GRB10: variants seen among roughly 807,000 people sequenced by gnomAD.
GRB10 encodes growth factor receptor bound protein 10.
GRB10 carries 20 observed loss-of-function variants against 80.9 expected under a neutral mutation model. That is an observed-to-expected ratio of 0.25 (90% CI 0.17 to 0.36). The LOEUF is 0.36. Among genes scored for constraint, GRB10 ranks in the 10% least tolerant of loss-of-function variants. The probability of loss-of-function intolerance (pLI) is 1.00; values close to 1 mark genes in which losing one functional copy is unlikely to be tolerated. For missense variants in GRB10, 548 were observed against 747.7 expected, an observed-to-expected ratio of 0.73 and a Z score of 3.12; for synonymous variants, 291 against 291.5, an observed-to-expected ratio of 1.00 and a Z score of 0.02.
intron 5 of GRB10, among the ~76,000 whole-genome samples, chr7:50,700,871 C>T (rs894988011): frequency 2.0e-5 from 3 of 152,140 alleles, no homozygotes; most frequent in South Asian, 2.1e-4. Context: ...TTCTATATAC[C>T]GTCAACTTTT....
At chr7:50,651,588 TCAA>T (rs908303758) in intron 7 of GRB10, among the ~76,000 whole-genome samples, 1 of 152,186 alleles carries the variant, frequency 6.6e-6, no homozygotes, top group Non-Finnish European at 1.5e-5. Context: ...GGCTAGGACT[TCAA>T]CTTATGTATT....
At chr7:50,650,326 G>A (rs527336727) in intron 7 of GRB10, among the ~76,000 whole-genome samples, 4 of 152,268 alleles carry the variant, frequency 2.6e-5, no homozygotes, top group Non-Finnish European at 4.4e-5. Context: ...AACCAAGGTG[G>A]GTGGGGGAGA....
chr7:50,636,775 T>A (rs959854000), intron 7 of GRB10, among the ~76,000 whole-genome samples: 1 of 152,152 alleles, frequency 6.6e-6, no homozygotes, highest in Non-Finnish European at 1.5e-5. Context: ...GCCACTATCA[T>A]ACTGAATAGG....
At chr7:50,696,261 G>A (rs894485556) in intron 5 of GRB10, among the ~76,000 whole-genome samples, 6 of 152,134 alleles carry the variant, frequency 3.9e-5, no homozygotes, top group African/African-American at 9.7e-5. Flanking sequence ...GTAGCAAACC[G>A]CCTTCCAGAA....
intron 4 of GRB10, among the ~76,000 whole-genome samples, chr7:50,722,729 C>T (rs1014781674): frequency 1.4e-4 from 22 of 152,056 alleles, no homozygotes; most frequent in African/African-American, 5.3e-4. Flanking sequence ...GGGTACCGCC[C>T]CCTCTCCTTC....
chr7:50,641,181 G>A (rs1327701601), intron 7 of GRB10, among the ~76,000 whole-genome samples: 1 of 151,460 alleles, frequency 6.6e-6, no homozygotes, highest in Non-Finnish European at 1.5e-5. Context: ...TGCTCACTCT[G>A]CACTGTCCAC....
intron 2 of GRB10, among the ~76,000 whole-genome samples, chr7:50,759,058 T>C (rs1032249014): frequency 6.6e-6 from 1 of 151,680 alleles, no homozygotes; most frequent in African/African-American, 2.4e-5. Context: ...CTGGGTGTGG[T>C]GGTGGGTGAC....
intron 4 of GRB10, among the ~76,000 whole-genome samples, chr7:50,714,479 C>T (rs896392544): frequency 6.6e-6 from 1 of 152,076 alleles, no homozygotes; most frequent in African/African-American, 2.4e-5. Flanking sequence ...CTGGCTAACA[C>T]GGTGAAACCC....
intron 4 of GRB10, 56 bp from the exon 5 acceptor site, chr7:50,703,964 C>CGAA (rs2064644582): frequency 4.4e-6 from 5 of 1,139,074 alleles, no homozygotes; most frequent in Non-Finnish European, 6.6e-6. Context: ...GCATCCCACT[C>CGAA]TTTTCAACAC....
chr7:50,761,726 C>T (rs914415917), intron 2 of GRB10: 2 of 152,212 alleles, frequency 1.3e-5, no homozygotes, highest in African/African-American at 4.8e-5. Context: ...CCTACCAAAT[C>T]TCATTTCAAA....
rs76899379 is a variant in GRB10 at position 50,628,287 on chromosome 7, G to A, written c.505-1309C>T. Among the ~76,000 whole-genome samples the A allele has an allele frequency of 9.2e-3, 1,402 of 152,318 alleles. 10 individuals are homozygous for A. Among genetic ancestry groups the A allele is most frequent in the Non-Finnish European group, 0.015 (990 of 68,032 alleles). On this transcript the variant is annotated intron_variant, in intron 7 of 18. Coordinates refer to ENST00000401949, the MANE Select transcript of GRB10 (RefSeq NM_001350814.2). ...CTGGATCTGCAGGGTGGGTGAGAATGTTAGTTTGTCCTGACAAACTCCCTC... is the reference window on the plus strand; with the variant it reads ...CTGGATCTGCAGGGTGGGTGAGAATATTAGTTTGTCCTGACAAACTCCCTC...
upstream of GRB10, among the ~76,000 whole-genome samples, chr7:50,784,702 A>C (rs539577165): frequency 6.6e-6 from 1 of 152,244 alleles, no homozygotes; most frequent in African/African-American, 2.4e-5. Flanking sequence ...GCTTTACTAG[A>C]ACAAGAACAG....
chr7:50,767,848 T>C (rs758450412), intron 2 of GRB10, among the ~76,000 whole-genome samples: 5 of 152,184 alleles, frequency 3.3e-5, no homozygotes, highest in Middle Eastern at 3.2e-3. Context: ...TGCTCCTGTG[T>C]TGCAATCGAG....
At chr7:50,704,004 C>T in intron 4 of GRB10, 96 bp from the exon 5 acceptor site, 1 of 794,502 alleles carries the variant, frequency 1.3e-6, no homozygotes, top group Non-Finnish European at 2.2e-6. Context: ...CTTTCTTCCT[C>T]AATTCCTTAC....
At chr7:50,692,367 A>C (rs533703874) in intron 5 of GRB10, among the ~76,000 whole-genome samples, 56 of 152,314 alleles carry the variant, frequency 3.7e-4, no homozygotes, top group Non-Finnish European at 1.9e-4. Flanking sequence ...ACATAGTAAA[A>C]GATGAACTAG....
chr7:50,694,501 T>C (rs2063208137), intron 5 of GRB10, among the ~76,000 whole-genome samples: 1 of 152,130 alleles, frequency 6.6e-6, no homozygotes, highest in African/African-American at 2.4e-5. Context: ...GATCTCTCAA[T>C]AGAGTGAATG....
At chr7:50,692,510 G>A (rs1054138184) in intron 5 of GRB10, among the ~76,000 whole-genome samples, 1 of 152,084 alleles carries the variant, frequency 6.6e-6, no homozygotes, top group African/African-American at 2.4e-5. Context: ...AGGAAGACAG[G>A]GCGCTAGGGA....
chr7:50,610,615 C>A (rs1222862768), intron 13 of GRB10, among the ~76,000 whole-genome samples: 1 of 152,164 alleles, frequency 6.6e-6, no homozygotes, highest in Non-Finnish European at 1.5e-5. Flanking sequence ...AGGGCTCTGA[C>A]CCTGCTCTGC....
At position 50,627,835 on chromosome 7, in the gene GRB10, G is replaced by A. The variant is rs758207055; in HGVS notation, c.505-857C>T. Among the ~76,000 whole-genome samples, 86 of 152,340 alleles carry A rather than the reference G, an allele frequency of 5.6e-4. 1 individual carries two copies. The highest frequency in any genetic ancestry group is 1.9e-4 in the African/African-American group (8 of 41,582). The stretch of plus-strand genomic sequence containing the variant: ...TTGCGACTGCCTCTTGCAAGGGAGC[G>A]TGTTTCCGTCTCTCCCCACTGTCCC... On this transcript the variant is annotated intron_variant, in intron 7 of 18. Transcript: ENST00000401949.
Sources: gnomAD v4.1 joint callset for allele counts (sites outside exome capture counted in the v4.1 genomes callset) on GRCh38, gnomAD v4.1.1 for gene constraint, MANE v1.5 for transcripts, NCBI Gene and HGNC (gene_info 2026-07-23, HGNC 2026-07-21) for gene names.